Variants in WNT7B observed in about 807,000 individuals in gnomAD.
WNT7B encodes Wnt family member 7B.
WNT7B carries 19 observed loss-of-function variants against 38.2 expected under a neutral mutation model. The ratio of observed to expected loss-of-function variants is 0.50; its 90% CI spans 0.35 to 0.73. The LOEUF (loss-of-function observed/expected upper bound fraction) is 0.73. Ranked by LOEUF, WNT7B falls within the 30% of genes least tolerant of loss-of-function variation. WNT7B has a pLI of 0.01. For synonymous variants in WNT7B, 243 were observed against 209.3 expected (o/e 1.16, Z -1.39); for missense variants, 423 against 507.9 (o/e 0.83, Z 1.61).
chr22:45,923,254 G>C lies in WNT7B; in HGVS notation c.652C>G (p.Leu218Val), dbSNP rs1307862422. 1 of 1,613,656 alleles carries C rather than the reference G, an allele frequency of 6.2e-7. No individual in the cohort carries two copies. The highest frequency in any genetic ancestry group is 1.1e-5 in the South Asian group (1 of 91,088). ...SCTTKTCWTT[L>V]PKFREVGHLL... ...TGGCCCACCTCTCGGAACTTGGGCA[G>C]CGTGGTCCAGCAGGTTTTGGTGGTG... Residue 218 changes from leucine to valine, a missense_variant, in exon 4 of 4, where the codon CTG becomes GTG. Coordinates refer to ENST00000339464, the MANE Select transcript of WNT7B (RefSeq NM_058238.3).
At position 45,939,670 on chromosome 22, in the gene WNT7B, C is replaced by CACACACACAAAA. The variant is rs1417517350; in HGVS notation, c.299-8302_299-8301insTTTTGTGTGTGT. Among the ~76,000 whole-genome samples, 4 of 151,484 alleles carry CACACACACAAAA rather than the reference C, an allele frequency of 2.6e-5. No individual in the cohort carries two copies. In the South Asian group the frequency reaches 8.4e-4, roughly 32 times the overall value. ...ACACTCACACACACACACACACACA[C>CACACACACAAAA]AAAAATAGCCAGGTGTGGTGGTGCA... On this transcript the variant is annotated intron_variant, in intron 2 of 3. Transcript: ENST00000339464.
chr22:45,955,732 T>C (rs1423537909), intron 1 of WNT7B, among the ~76,000 whole-genome samples: 1 of 152,170 alleles, frequency 6.6e-6, no homozygotes, highest in African/African-American at 2.4e-5. Context: ...TCTGGAAAGT[T>C]TCCTTACCCC....
At chr22:45,939,724 G>T (rs1931600633) in intron 2 of WNT7B, among the ~76,000 whole-genome samples, 2 of 151,858 alleles carry the variant, frequency 1.3e-5, no homozygotes, top group African/African-American at 4.8e-5. Flanking sequence ...TCCTCAAGAG[G>T]CTGAGGCAGG....
chr22:45,925,355 T>C (rs1306489885), intron 3 of WNT7B: 1 of 985,158 alleles, frequency 1.0e-6, no homozygotes, highest in Non-Finnish European at 1.2e-6. Context: ...CTGGAGAGAC[T>C]GGGGAGACTG....
At chr22:45,967,344 G>GGGC (rs1932335323) in intron 1 of WNT7B, among the ~76,000 whole-genome samples, 1 of 152,204 alleles carries the variant, frequency 6.6e-6, no homozygotes, top group Non-Finnish European at 1.5e-5. Flanking sequence ...AGGCTGTGTA[G>GGGC]GGCGGCAGCC....
intron 2 of WNT7B, among the ~76,000 whole-genome samples, chr22:45,945,105 C>T (rs564039438): frequency 7.3e-5 from 11 of 151,308 alleles, no homozygotes; most frequent in Admixed American, 2.6e-4. Flanking sequence ...TTTTTTGAGA[C>T]GGAGATTCAC....
At chr22:45,956,677 T>A (rs1932069842) in intron 1 of WNT7B, among the ~76,000 whole-genome samples, 1 of 152,030 alleles carries the variant, frequency 6.6e-6, no homozygotes, top group South Asian at 2.1e-4. Flanking sequence ...GGAGGATAGA[T>A]AAAAAAAGTG....
At chr22:45,929,015 C>G (rs1272551288) in intron 3 of WNT7B, among the ~76,000 whole-genome samples, 1 of 152,084 alleles carries the variant, frequency 6.6e-6, no homozygotes, top group Non-Finnish European at 1.5e-5. Flanking sequence ...GTCTGCTGCT[C>G]ACTCTGAGCC....
chr22:45,926,979 C>T, intron 3 of WNT7B: 2 of 985,426 alleles, frequency 2.0e-6, no homozygotes, highest in Non-Finnish European at 2.4e-6. Flanking sequence ...AAGGGGGTTC[C>T]CACCCCCTGG....
rs1932203893 is a variant in WNT7B at position 45,961,867 on chromosome 22, C to T, written c.72-11721G>A. ...TCAGCCACTGGCTCTCGCTGGCCTCCCTGAGCCTCAGTTTGCCGGTCTGTT... is the reference window on the plus strand; with the variant it reads ...TCAGCCACTGGCTCTCGCTGGCCTCTCTGAGCCTCAGTTTGCCGGTCTGTT... On this transcript the variant is annotated intron_variant, in intron 1 of 3. Transcript: ENST00000339464. 5.3e-5 allele frequency among the ~76,000 whole-genome samples: 8 copies of T among 152,152 alleles called. No individual in the cohort carries two copies. In the South Asian group the frequency reaches 1.5e-3, roughly 28 times the overall value.
chr22:45,953,738 A>AAG (rs1555909392), intron 1 of WNT7B, among the ~76,000 whole-genome samples: 49 of 151,632 alleles, frequency 3.2e-4, no homozygotes, highest in East Asian at 1.2e-3. Context: ...AAAAAAAAAA[A>AAG]AAGAAGAAGA....
At chr22:45,969,974 A>G (rs1003048623) in intron 1 of WNT7B, among the ~76,000 whole-genome samples, 1 of 152,204 alleles carries the variant, frequency 6.6e-6, no homozygotes, top group Non-Finnish European at 1.5e-5. Context: ...GCCTCCCCCA[A>G]GTGCAGCCAT....
chr22:45,972,244 C>A, intron 1 of WNT7B: 2 of 641,136 alleles, frequency 3.1e-6, no homozygotes, highest in South Asian at 3.3e-5. Context: ...GCATGGTGGG[C>A]CGGCGTGCCT....
chr22:45,948,475 G>A (rs1931848946), intron 2 of WNT7B, among the ~76,000 whole-genome samples: 1 of 152,232 alleles, frequency 6.6e-6, no homozygotes, highest in Admixed American at 6.5e-5. Flanking sequence ...AAGCCCTGCA[G>A]AACCTAGGTC....
In WNT7B at chr22:45,931,375, G is replaced by A; in HGVS notation, c.299-6C>T. The A allele has an allele frequency of 1.3e-6, 2 of 1,580,362 alleles. No individual in the cohort carries two copies. The highest frequency in any genetic ancestry group is 1.7e-6 in the Non-Finnish European group (2 of 1,168,296). The stretch of plus-strand genomic sequence containing the variant: ...GAAGGCAGCCTCACGGCTCCCTGCG[G>A]GGACAGACAGGTGCAGAAGGTGAGA... On this transcript the variant is annotated splice_polypyrimidine_tract_variant and splice_region_variant and intron_variant, in intron 2 of 3. Transcript: ENST00000339464.
intron 1 of WNT7B, among the ~76,000 whole-genome samples, chr22:45,962,055 G>A (rs866562454): frequency 4.8e-4 from 73 of 152,266 alleles, no homozygotes; most frequent in Middle Eastern, 3.4e-3. Flanking sequence ...CGCGCCCCCG[G>A]CGGGCGGCTG....
intron 2 of WNT7B, 69 bp from the exon 3 acceptor site, chr22:45,931,438 T>G (rs1029586661): frequency 2.5e-5 from 37 of 1,476,704 alleles, no homozygotes; most frequent in Admixed American, 4.6e-5. Context: ...GGGGACAGGG[T>G]GCCGGGCCTC....
intron 1 of WNT7B, among the ~76,000 whole-genome samples, chr22:45,963,811 A>G (rs9697641): frequency 0.079 from 11,946 of 152,162 alleles, 1,586 homozygotes; most frequent in African/African-American, 0.27. Context: ...GACCAGCCCC[A>G]GCCACCCTCC....
intron 1 of WNT7B, among the ~76,000 whole-genome samples, chr22:45,969,223 C>T (rs189132879): frequency 2.6e-5 from 4 of 152,248 alleles, no homozygotes; most frequent in Admixed American, 1.3e-4. Flanking sequence ...CTGCCACAGC[C>T]AGGTGGTCGG....
Sources: gnomAD v4.1 joint callset for allele counts (sites outside exome capture counted in the v4.1 genomes callset) on GRCh38, gnomAD v4.1.1 for gene constraint, MANE v1.5 for transcripts, NCBI Gene and HGNC (gene_info 2026-07-23, HGNC 2026-07-21) for gene names.